Variants in EMC2 observed in about 807,000 individuals in gnomAD.
The protein encoded by EMC2 is TPR repeat protein 35.
EMC2 carries 37 observed loss-of-function variants against 51.6 expected under a neutral mutation model. The ratio of observed to expected loss-of-function variants is 0.72; its 90% CI spans 0.55 to 0.94. The LOEUF is 0.94. Ranked by LOEUF, EMC2 falls within the 40% of genes least tolerant of loss-of-function variation. The pLI is 0.00. For missense variants in EMC2, 359 were observed against 350.9 expected, an observed-to-expected ratio of 1.02 and a Z score of -0.18; for synonymous variants, 131 against 112.4, an observed-to-expected ratio of 1.17 and a Z score of -1.04.
At chr8:108,466,646 AT>A (rs1303544435) in intron 5 of EMC2, among the ~76,000 whole-genome samples, 1 of 151,814 alleles carries the variant, frequency 6.6e-6, no homozygotes, top group East Asian at 1.9e-4. Context: ...TAGAGATAAC[AT>A]TTTGCTGTGT....
chr8:108,471,002 T>C (rs1293495610), intron 7 of EMC2: 1 of 152,028 alleles, frequency 6.6e-6, no homozygotes, highest in Non-Finnish European at 1.5e-5. Flanking sequence ...ATTGAGGTAG[T>C]CTATTTGCAT....
At chr8:108,459,601 C>G (rs1165334480) in intron 5 of EMC2, among the ~76,000 whole-genome samples, 1 of 151,992 alleles carries the variant, frequency 6.6e-6, no homozygotes, top group African/African-American at 2.4e-5. Context: ...AAGACACGCC[C>G]CATAATTCAG....
chr8:108,460,742 A>G (rs1195568693), intron 5 of EMC2, among the ~76,000 whole-genome samples: 1 of 152,226 alleles, frequency 6.6e-6, no homozygotes, highest in African/African-American at 2.4e-5. Context: ...TCTAGTTTCA[A>G]GCATTTTGTA....
At chr8:108,470,971 A>G (rs951034954) in intron 7 of EMC2, 2 of 152,040 alleles carry the variant, frequency 1.3e-5, no homozygotes, top group African/African-American at 4.8e-5. Flanking sequence ...TGTGGTCTAT[A>G]TATATAATGT....
Position 108,453,115 on chromosome 8 carries a change from A to G in EMC2, c.273A>G (p.Arg91=). The part of the protein sequence containing the change: ...RQFPGSHRVK[R]LTGMRFEAME... ...TCCCTGGCAGTCACAGAGTCAAGCG[A>G]TTAACAGGCATGAGATTTGAAGCCA... The change falls in exon 4 of 11, where the codon CGA becomes CGG. Residue 91 remains arginine (R), a synonymous_variant. Transcript: ENST00000220853. 6.2e-7 allele frequency: 1 copy of G among 1,608,864 alleles called. No individual in the cohort carries two copies. Among genetic ancestry groups the G allele is most frequent in the East Asian group, 2.2e-5 (1 of 44,650 alleles).
At position 108,488,950 on chromosome 8, in the gene EMC2, G is replaced by A. The variant is rs1175571662; in HGVS notation, c.*2352G>A. Among the ~76,000 whole-genome samples the A allele has an allele frequency of 2.0e-5, 3 of 152,168 alleles. No individual in the cohort carries two copies. The highest frequency in any genetic ancestry group is 7.2e-5 in the African/African-American group (3 of 41,444). ...AATTAAAAAATCAGAGCTTTGTGTG[G>A]TAACAGTCATTGCCTCTTTCTCCTC... is the stretch of plus-strand genomic sequence containing the variant. On this transcript the variant is annotated 3_prime_UTR_variant, in exon 11 of 11. Coordinates refer to ENST00000220853, the MANE Select transcript of EMC2 (RefSeq NM_014673.5).
At chr8:108,460,045 T>G (rs774797843) in intron 5 of EMC2, among the ~76,000 whole-genome samples, 10 of 152,232 alleles carry the variant, frequency 6.6e-5, no homozygotes, top group Non-Finnish European at 1.5e-4. Context: ...TTATTTCTTA[T>G]TCTTAATTTA....
intron 5 of EMC2, among the ~76,000 whole-genome samples, chr8:108,464,335 G>A (rs536098680): frequency 3.3e-5 from 5 of 152,294 alleles, no homozygotes; most frequent in African/African-American, 7.2e-5. Context: ...GAAAGGCATC[G>A]GAGGGGCTTT....
intron 10 of EMC2, among the ~76,000 whole-genome samples, chr8:108,482,666 C>A (rs1586194986): frequency 6.6e-6 from 1 of 151,860 alleles, no homozygotes; most frequent in East Asian, 1.9e-4. Flanking sequence ...CTCACTACAC[C>A]CTCAACCACC....
At chr8:108,457,342 G>C (rs1819193935) in intron 5 of EMC2, among the ~76,000 whole-genome samples, 1 of 102,560 alleles carries the variant, frequency 9.8e-6, no homozygotes, top group African/African-American at 2.8e-5. Flanking sequence ...GTGTGTGTGT[G>C]TGTGTGTGTG....
intron 1 of EMC2, among the ~76,000 whole-genome samples, chr8:108,445,293 T>C (rs1563688836): frequency 6.6e-6 from 1 of 152,232 alleles, no homozygotes; most frequent in Non-Finnish European, 1.5e-5. Context: ...AGTGCTAATA[T>C]GATTATGTCC....
intron 9 of EMC2, 138 bp from the exon 10 acceptor site, chr8:108,478,868 T>C (rs2130408052): frequency 2.6e-6 from 1 of 384,280 alleles, no homozygotes; most frequent in Non-Finnish European, 4.6e-6. Flanking sequence ...TATTCAACTT[T>C]ATGTTTATAT....
chr8:108,458,911 C>T (rs1378419961), intron 5 of EMC2, among the ~76,000 whole-genome samples: 1 of 152,080 alleles, frequency 6.6e-6, no homozygotes, highest in Non-Finnish European at 1.5e-5. Context: ...GCCCTGTTTC[C>T]CTTGTAAAAC....
chr8:108,457,322 G>A (rs1326996172), intron 5 of EMC2, among the ~76,000 whole-genome samples: 8 of 85,412 alleles, frequency 9.4e-5, no homozygotes, highest in South Asian at 3.7e-4. Context: ...AGGGATGTGC[G>A]TGTGTGTGCG....
At chr8:108,458,587 G>T (rs1224231177) in intron 5 of EMC2, among the ~76,000 whole-genome samples, 1 of 152,210 alleles carries the variant, frequency 6.6e-6, no homozygotes, top group Non-Finnish European at 1.5e-5. Context: ...CACTGCTTGA[G>T]CTCTGTGTTG....
chr8:108,443,762 C>T lies in EMC2; in HGVS notation c.40+64C>T. On this transcript the variant is annotated intron_variant, in intron 1 of 10. Transcript: ENST00000220853. ...CGCTGGGAAGCCGTTCGGGAGTACC[C>T]GCTGCTTTCGGGGAGCTGGGTTCTC... The T allele has an allele frequency of 2.1e-6, 3 of 1,436,808 alleles. 1 individual carries two copies. Among genetic ancestry groups the T allele is most frequent in the Middle Eastern group, 3.5e-4 (2 of 5,766 alleles). 89.0% of individuals were successfully genotyped at this position (1,436,808 alleles called of 1,614,324 possible).
At chr8:108,467,286 A>C (rs1810744743) in intron 5 of EMC2, among the ~76,000 whole-genome samples, 1 of 151,826 alleles carries the variant, frequency 6.6e-6, no homozygotes, top group Non-Finnish European at 1.5e-5. Flanking sequence ...TATGTATGAT[A>C]CCTTGTATAT....
At chr8:108,459,938 A>G (rs1052209746) in intron 5 of EMC2, among the ~76,000 whole-genome samples, 1 of 152,210 alleles carries the variant, frequency 6.6e-6, no homozygotes, top group Admixed American at 6.5e-5. Context: ...AAGTTTTTGA[A>G]TGATTTCCTA....
At chr8:108,468,530 A>G (rs1239909293) in intron 5 of EMC2, among the ~76,000 whole-genome samples, 1 of 152,118 alleles carries the variant, frequency 6.6e-6, no homozygotes, top group South Asian at 2.1e-4. Flanking sequence ...ATTACCCAAA[A>G]TATTATAAAC....
Sources: gnomAD v4.1 joint callset for allele counts (sites outside exome capture counted in the v4.1 genomes callset) on GRCh38, gnomAD v4.1.1 for gene constraint, MANE v1.5 for transcripts, NCBI Gene and HGNC (gene_info 2026-07-23, HGNC 2026-07-21) for gene names.